Variants in RBM46 observed in about 807,000 individuals in gnomAD.
RBM46 encodes the protein RNA binding motif protein 46.
A neutral mutation model predicts 43.3 loss-of-function variants in RBM46; 12 were observed. The observed-to-expected ratio is 0.28, with a 90% CI of 0.18 to 0.45. The LOEUF is 0.45. Among genes scored for constraint, RBM46 ranks in the 20% least tolerant of loss-of-function variants. RBM46 has a pLI of 1.00. For synonymous variants in RBM46, 205 were observed against 207.6 expected (o/e 0.99, Z 0.11); for missense variants, 412 against 639.1 (o/e 0.64, Z 3.83).
chr4:154,822,581 T>G (rs559965102), intron 4 of RBM46, among the ~76,000 whole-genome samples: 14 of 151,632 alleles, frequency 9.2e-5, no homozygotes, highest in East Asian at 7.7e-4. Flanking sequence ...AAAAAAAAGT[T>G]TTTTTTTGCA....
chr4:154,799,310 T>G lies in RBM46; in HGVS notation c.1148T>G (p.Met383Arg), dbSNP rs1211442992. ...GGAACAAAGCTTACTCCAATTAGTA[T>G]GTATTCTTTAAAATCCAATCATTTT... Reference protein sequence around the residue: ...YPGTKLTPISMYSLKSNHFNS... With the variant: ...YPGTKLTPISRYSLKSNHFNS... The change falls in exon 4 of 5, where the codon ATG becomes AGG. Residue 383 changes from methionine to arginine, a missense_variant. Transcript: ENST00000281722. 9 of 1,614,228 alleles carry G rather than the reference T, an allele frequency of 5.6e-6. No individual in the cohort carries two copies. Among genetic ancestry groups the G allele is most frequent in the Non-Finnish European group, 7.6e-6 (9 of 1,180,042 alleles).
At chr4:154,795,836 A>C (rs1447603410) in intron 1 of RBM46, among the ~76,000 whole-genome samples, 1 of 152,198 alleles carries the variant, frequency 6.6e-6, no homozygotes, top group African/African-American at 2.4e-5. Flanking sequence ...AATAGGCTGT[A>C]GGGATGGACG....
At chr4:154,826,873 G>C (rs1412183827) in intron 4 of RBM46, 1 of 1,485,020 alleles carries the variant, frequency 6.7e-7, no homozygotes, top group African/African-American at 1.4e-5. Flanking sequence ...CTATGGTGTA[G>C]GCATCATTTA....
rs958682474 is a variant in RBM46, at chr4:154,810,130, G to A, written c.1402+10566G>A. 5.9e-5 allele frequency among the ~76,000 whole-genome samples: 9 copies of A among 152,036 alleles called. No individual in the cohort carries two copies. The South Asian group carries it at 1.9e-3, about 32-fold the overall frequency. On this transcript the variant is annotated intron_variant, in intron 4 of 4. Transcript: ENST00000281722. ...TATGTAAGGCATACACATCTATATT[G>A]TATATATTTCTCTGTTTCTATATTT...
intron 4 of RBM46, among the ~76,000 whole-genome samples, chr4:154,808,817 A>G (rs1735039141): frequency 6.6e-6 from 1 of 152,082 alleles, no homozygotes; most frequent in African/African-American, 2.4e-5. Context: ...CCTTGAGAGA[A>G]TAAGAATCCC....
chr4:154,811,651 ATGTGTG>A (rs751963103), intron 4 of RBM46, among the ~76,000 whole-genome samples: 1 of 132,530 alleles, frequency 7.5e-6, no homozygotes, highest in Non-Finnish European at 1.6e-5. Context: ...TAGATAGGAT[ATGTGTG>A]TGTGTGTGTG....
At chr4:154,798,370 G>T (rs1306397456) in intron 3 of RBM46, 92 bp downstream of exon 3, 2 of 764,352 alleles carry the variant, frequency 2.6e-6, no homozygotes, top group East Asian at 5.5e-5. Context: ...AAATACTAAT[G>T]TCACTTAAAG....
rs115566010 is a variant in RBM46 at position 154,821,367 on chromosome 4, C to T, written c.1403-6501C>T. On this transcript the variant is annotated intron_variant, in intron 4 of 4. Coordinates refer to ENST00000281722, the MANE Select transcript of RBM46 (RefSeq NM_144979.5). ...TATTTTCTAAGGCTTTTCTTTTTTG[C>T]CCACATGGTTTATTTAGTGAGCTAC... Among the ~76,000 whole-genome samples, 288 of 151,588 alleles carry T rather than the reference C, an allele frequency of 1.9e-3. 1 individual carries two copies. The highest frequency in any genetic ancestry group is 6.8e-3 in the Middle Eastern group (2 of 294).
intron 4 of RBM46, among the ~76,000 whole-genome samples, chr4:154,820,682 C>T (rs576028873): frequency 2.0e-5 from 3 of 151,678 alleles, no homozygotes; most frequent in Admixed American, 6.6e-5. Context: ...ATTATAAATT[C>T]GATATATTTG....
At chr4:154,810,344 G>A (rs1395995751) in intron 4 of RBM46, among the ~76,000 whole-genome samples, 3 of 152,022 alleles carry the variant, frequency 2.0e-5, no homozygotes, top group African/African-American at 7.2e-5. Flanking sequence ...GGAATGTTTT[G>A]GTTGCTTTTG....
chr4:154,828,401 A>G lies in RBM46; in HGVS notation c.*334A>G, dbSNP rs1250257816. ...TTTTTTTTTTGCATAATTTTACTAA[A>G]TAGTATTTCACAAATATTAAAGCAC... is the stretch of plus-strand genomic sequence containing the variant. On this transcript the variant is annotated 3_prime_UTR_variant, in exon 5 of 5. Transcript: ENST00000281722. 33 of 250,982 alleles carry G rather than the reference A, an allele frequency of 1.3e-4. No individual in the cohort carries two copies. The highest frequency in any genetic ancestry group is 2.0e-4 in the Non-Finnish European group (26 of 131,228). 15.5% of individuals were successfully genotyped at this position (250,982 alleles called of 1,614,324 possible).
intron 4 of RBM46, chr4:154,826,620 C>T (rs1735976592): frequency 3.3e-6 from 2 of 606,472 alleles, no homozygotes; most frequent in Non-Finnish European, 5.7e-6. Flanking sequence ...TTATGTCTTC[C>T]TGGAACAGAT....
intron 4 of RBM46, chr4:154,827,127 T>C (rs550403705): frequency 7.0e-6 from 7 of 995,050 alleles, no homozygotes; most frequent in East Asian, 1.4e-4. Context: ...CAGGAAATTA[T>C]TGATGCATAA....
intron 4 of RBM46, 153 bp from the exon 5 acceptor site, chr4:154,827,715 G>C: frequency 6.8e-7 from 1 of 1,459,960 alleles, no homozygotes; most frequent in Non-Finnish European, 9.0e-7. Flanking sequence ...AGTGAATGCT[G>C]AAATAATCTT....
chr4:154,799,761 T>C (rs1482129488), intron 4 of RBM46, among the ~76,000 whole-genome samples, 197 bp downstream of exon 4: 7 of 148,892 alleles, frequency 4.7e-5, no homozygotes, highest in Non-Finnish European at 8.9e-5. Flanking sequence ...TTTTCTTTTT[T>C]TTTTTTTTTT....
intron 4 of RBM46, among the ~76,000 whole-genome samples, chr4:154,807,540 A>T (rs935626244): frequency 6.6e-6 from 1 of 151,896 alleles, no homozygotes; most frequent in Non-Finnish European, 1.5e-5. Context: ...AATTTATTTT[A>T]TGCTTTTAAC....
chr4:154,815,422 T>G (rs568936462), intron 4 of RBM46, among the ~76,000 whole-genome samples: 1 of 152,166 alleles, frequency 6.6e-6, no homozygotes, highest in African/African-American at 2.4e-5. Flanking sequence ...TGATTTACAC[T>G]TTACTAGCAG....
chr4:154,809,880 A>G (rs1170039414), intron 4 of RBM46, among the ~76,000 whole-genome samples: 1 of 152,156 alleles, frequency 6.6e-6, no homozygotes, highest in Non-Finnish European at 1.5e-5. Context: ...AATTGAGACA[A>G]TTGGAAATTA....
At chr4:154,817,761 G>C (rs1251701066) in intron 4 of RBM46, among the ~76,000 whole-genome samples, 2 of 151,992 alleles carry the variant, frequency 1.3e-5, no homozygotes, top group East Asian at 1.9e-4. Flanking sequence ...TTGCCGATAG[G>C]CTTGGGATTA....
Sources: allele counts gnomAD v4.1 joint callset (sites outside exome capture counted in the v4.1 genomes callset), GRCh38; gene constraint gnomAD v4.1.1; transcripts MANE v1.5; gene names NCBI Gene and HGNC (gene_info 2026-07-23, HGNC 2026-07-21).